ENKUR: variants seen among roughly 807,000 people sequenced by gnomAD.
ENKUR encodes enkurin.
Under a neutral mutation model 27.6 loss-of-function variants are expected in ENKUR, and 19 were observed. That is an observed-to-expected ratio of 0.69 (90% confidence interval 0.48 to 1.01). The LOEUF is 1.01. ENKUR is among the 50% of genes least tolerant of loss of function. ENKUR has a pLI of 0.00. For missense variants in ENKUR, 312 were observed against 310.5 expected, an observed-to-expected ratio of 1.00 and a Z score of -0.04; for synonymous variants, 117 against 96.9, an observed-to-expected ratio of 1.21 and a Z score of -1.22.
upstream of ENKUR, among the ~76,000 whole-genome samples, chr10:25,019,516 C>T (rs1380353489): frequency 2.0e-5 from 3 of 152,118 alleles, no homozygotes; most frequent in Admixed American, 1.3e-4. Context: ...AGTAAAAATA[C>T]CACAAACAAA....
At chr10:25,038,796 T>C (rs1246566437) in intron 2 of ENKUR, among the ~76,000 whole-genome samples, 1 of 152,240 alleles carries the variant, frequency 6.6e-6, no homozygotes, top group Non-Finnish European at 1.5e-5. Context: ...AAATGCATAC[T>C]ATGTTTTTAA....
chr10:25,011,959 G>C (rs1850456730), intron 1 of ENKUR, among the ~76,000 whole-genome samples: 1 of 152,206 alleles, frequency 6.6e-6, no homozygotes, highest in Non-Finnish European at 1.5e-5. Flanking sequence ...CAGAGACCTA[G>C]GAGAAAAAAT....
chr10:25,010,541 C>A (rs1850417912), intron 1 of ENKUR, among the ~76,000 whole-genome samples: 1 of 151,486 alleles, frequency 6.6e-6, no homozygotes, highest in South Asian at 2.1e-4. Flanking sequence ...TGTGCTGCAC[C>A]CATTAACTCG....
chr10:24,997,056 G>A (rs1850078435), intron 2 of ENKUR, among the ~76,000 whole-genome samples: 1 of 152,078 alleles, frequency 6.6e-6, no homozygotes, highest in Non-Finnish European at 1.5e-5. Flanking sequence ...TGCTTTAGAA[G>A]AAACCAACCC....
At chr10:24,996,100 GAA>G (rs1288882480) in intron 2 of ENKUR, among the ~76,000 whole-genome samples, 1 of 151,850 alleles carries the variant, frequency 6.6e-6, no homozygotes, top group Non-Finnish European at 1.5e-5. Context: ...TTTTTAAAAA[GAA>G]AAAAAGTCAG....
chr10:25,041,859 C>A (rs1851068043), intron 2 of ENKUR, among the ~76,000 whole-genome samples: 1 of 151,998 alleles, frequency 6.6e-6, no homozygotes, highest in African/African-American at 2.4e-5. Context: ...TCATGAAAGA[C>A]ACAAAAGACT....
intron 1 of ENKUR, among the ~76,000 whole-genome samples, chr10:25,004,176 A>C (rs1056274050): frequency 6.6e-6 from 1 of 152,186 alleles, no homozygotes. Context: ...CCAGTCTATC[A>C]CTGATGGGCA....
rs530875205 is a variant in ENKUR, at chr10:25,034,018, A to G, written c.37+27094T>C. Among the ~76,000 whole-genome samples the G allele has an allele frequency of 1.1e-4, 17 of 151,926 alleles. 1 individual carries two copies. The highest frequency in any genetic ancestry group is 3.4e-3 in the Middle Eastern group (1 of 294). On this transcript the variant is annotated intron_variant, in intron 2 of 5. Coordinates refer to the ENKUR transcript ENST00000615958. ...CCAAATACAGATTTAGGAAAAAAGGAAAATACCAACAAACATTCATGACTA... is the reference window on the plus strand; with the variant it reads ...CCAAATACAGATTTAGGAAAAAAGGGAAATACCAACAAACATTCATGACTA...
intron 4 of ENKUR, among the ~76,000 whole-genome samples, chr10:24,987,484 A>G (rs748948180): frequency 6.6e-6 from 1 of 152,098 alleles, no homozygotes; most frequent in Non-Finnish European, 1.5e-5. Flanking sequence ...AAATAAAAAA[A>G]TGAAATAAAA....
At chr10:24,989,895 A>G (rs1161198839) in intron 4 of ENKUR, among the ~76,000 whole-genome samples, 2 of 152,190 alleles carry the variant, frequency 1.3e-5, no homozygotes, top group African/African-American at 2.4e-5. Flanking sequence ...ACCCCCTAAT[A>G]TTTTAAATGC....
At chr10:25,025,069 G>C (rs749687544) in intron 2 of ENKUR, 3 of 1,614,182 alleles carry the variant, frequency 1.9e-6, no homozygotes, top group Non-Finnish European at 2.5e-6. Flanking sequence ...GGATTTTGTA[G>C]CTGACTGGTG....
At chr10:25,026,270 T>G (rs1042236805) in intron 2 of ENKUR, 1 of 166,864 alleles carries the variant, frequency 6.0e-6, no homozygotes, top group Non-Finnish European at 1.5e-5. Flanking sequence ...TACTCTGTCC[T>G]TCACTCTCCT....
In ENKUR at chr10:24,987,838, G is replaced by A. The variant is rs548194082; in HGVS notation, c.594+2625C>T. The stretch of plus-strand genomic sequence containing the variant: ...TCTAAGTTCACTGACACTGAGGACT[G>A]TGTTTATTTTGCTCTGTACAGTATC... On this transcript the variant is annotated intron_variant, in intron 4 of 5. Coordinates refer to ENST00000331161, the MANE Select transcript of ENKUR (RefSeq NM_145010.4). Among the ~76,000 whole-genome samples, 9 of 152,202 alleles carry A rather than the reference G, an allele frequency of 5.9e-5. No homozygotes were observed. In the East Asian group the frequency reaches 7.7e-4, roughly 13 times the overall value.
At chr10:25,019,115 CAGTT>C (rs1318191690), upstream of ENKUR, among the ~76,000 whole-genome samples, 3 of 152,192 alleles carry the variant, frequency 2.0e-5, no homozygotes, top group Non-Finnish European at 4.4e-5. Flanking sequence ...TCCTGATACA[CAGTT>C]AGTTCTCCAT....
At chr10:25,022,904 C>G (rs1456242532) in intron 2 of ENKUR, among the ~76,000 whole-genome samples, 2 of 152,022 alleles carry the variant, frequency 1.3e-5, no homozygotes, top group Admixed American at 6.6e-5. Flanking sequence ...TTTGTGAATA[C>G]AAGTTTCTGT....
In ENKUR at chr10:24,983,500, C is replaced by T. The variant is rs1199020889; in HGVS notation, c.*870G>A. 6.6e-6 allele frequency: 1 copy of T among 152,198 alleles called. No individual in the cohort carries two copies. The highest frequency in any genetic ancestry group is 6.5e-5 in the Admixed American group (1 of 15,278). The allele number at this position is 152,198 out of a possible 1,614,324, so 9.4% of individuals were successfully genotyped here. A position where few individuals can be genotyped will look rare whatever the true frequency, so the allele number is the denominator to read the frequency against. On this transcript the variant is annotated 3_prime_UTR_variant, in exon 6 of 6. Coordinates refer to ENST00000331161, the MANE Select transcript of ENKUR (RefSeq NM_145010.4). ...CTGTTAGCCTACCCTAAATAGCAACCAACCATTCTTGGTAAGTGAGAATTT... is the reference window on the plus strand; with the variant it reads ...CTGTTAGCCTACCCTAAATAGCAACTAACCATTCTTGGTAAGTGAGAATTT...
chr10:25,023,024 CT>C lies in ENKUR; in HGVS notation c.38-27156del, dbSNP rs569340704. On this transcript the variant is annotated intron_variant, in intron 2 of 5. Coordinates refer to the ENKUR transcript ENST00000615958. Reference sequence around the variant, plus strand: ...ATATATAAGAATTTGGGTTGGAATACTTTTTTTAATTCCATAAGTTTGGAAG... The same window carrying C: ...ATATATAAGAATTTGGGTTGGAATACTTTTTTAATTCCATAAGTTTGGAAG... Among the ~76,000 whole-genome samples, 366 of 152,172 alleles carry C rather than the reference CT, an allele frequency of 2.4e-3. 4 individuals carry two copies. Among genetic ancestry groups the C allele is most frequent in the African/African-American group, 7.6e-3 (314 of 41,532 alleles).
intron 3 of ENKUR, among the ~76,000 whole-genome samples, chr10:24,993,545 C>T (rs1229451844): frequency 6.6e-6 from 1 of 152,168 alleles, no homozygotes; most frequent in African/African-American, 2.4e-5. Flanking sequence ...TCACTTGGAG[C>T]TGAAATGGGA....
intron 5 of ENKUR, 40 bp from the exon 6 acceptor site, chr10:24,984,416 G>C (rs1287793298): frequency 6.4e-7 from 1 of 1,571,978 alleles, no homozygotes. Context: ...TCTGAGTGCT[G>C]ACTTTATTTT....
Sources: gnomAD v4.1 joint callset for allele counts (sites outside exome capture counted in the v4.1 genomes callset) on GRCh38, gnomAD v4.1.1 for gene constraint, MANE v1.5 for transcripts, NCBI Gene and HGNC (gene_info 2026-07-23, HGNC 2026-07-21) for gene names.